PCSK2: variants seen among roughly 807,000 people sequenced by gnomAD.
PCSK2 encodes the protein proprotein convertase subtilisin/kexin type 2.
A neutral mutation model predicts 69.7 loss-of-function variants in PCSK2; 14 were observed. The observed-to-expected ratio is 0.20, with a 90% CI of 0.13 to 0.31. The LOEUF (loss-of-function observed/expected upper bound fraction) is 0.31, where lower values mean the gene tolerates loss of function less well. Among genes scored for constraint, PCSK2 ranks in the 10% least tolerant of loss-of-function variants. The probability of loss-of-function intolerance (pLI) is 1.00; values close to 1 mark genes in which losing one functional copy is unlikely to be tolerated. For missense variants in PCSK2, 544 were observed against 842.5 expected, an observed-to-expected ratio of 0.65 and a Z score of 4.39; for synonymous variants, 307 against 320.7, an observed-to-expected ratio of 0.96 and a Z score of 0.46.
At position 17,306,147 on chromosome 20, in the gene PCSK2, C is replaced by T. The variant is rs182240333; in HGVS notation, c.282+45803C>T. ...ACAATACAATCTTATCTCCCTTTAG[C>T]CAAAGAGTATTGACAATGCAATTTG... On this transcript the variant is annotated intron_variant, in intron 2 of 11. Transcript: ENST00000262545. Among the ~76,000 whole-genome samples, 6 of 152,218 alleles carry T rather than the reference C, an allele frequency of 3.9e-5. No homozygotes were observed. The East Asian group carries it at 1.2e-3, about 29-fold the overall frequency.
intron 2 of PCSK2, among the ~76,000 whole-genome samples, chr20:17,295,802 T>C (rs1988872988): frequency 6.6e-6 from 1 of 152,096 alleles, no homozygotes; most frequent in African/African-American, 2.4e-5. Context: ...GTGATCCTCC[T>C]GCCCCAGTCT....
intron 10 of PCSK2, chr20:17,464,924 GCTTAAGCTTAAC>G: frequency 3.7e-6 from 1 of 272,536 alleles, no homozygotes; most frequent in South Asian, 4.6e-5. Flanking sequence ...CCAGGCCATA[GCTTAAGCTTAAC>G]TTTAGAAGAT....
At chr20:17,261,366 G>A (rs753193806) in intron 2 of PCSK2, among the ~76,000 whole-genome samples, 6 of 152,194 alleles carry the variant, frequency 3.9e-5, no homozygotes, top group Non-Finnish European at 8.8e-5. Flanking sequence ...GGCTTTTCAT[G>A]TGAACATTTC....
rs549325416 is a variant in PCSK2 at position 17,453,480 on chromosome 20, A to G, written c.886-262A>G. ...AAGCAGTTTATTTGTAAATTTTAAG[A>G]CAGTTCTTCCAATTTTCTTACCTCA... is the stretch of plus-strand genomic sequence containing the variant. On this transcript the variant is annotated intron_variant, in intron 8 of 11. Coordinates refer to ENST00000262545, the MANE Select transcript of PCSK2 (RefSeq NM_002594.5). The surrounding 1 kb of genome is among the most constrained non-coding windows in gnomAD (Gnocchi z 4.0). Among the ~76,000 whole-genome samples the G allele has an allele frequency of 6.6e-6, 1 of 152,298 alleles. No individual in the cohort carries two copies. Among genetic ancestry groups the G allele is most frequent in the South Asian group, 2.1e-4 (1 of 4,826 alleles).
intron 4 of PCSK2, among the ~76,000 whole-genome samples, chr20:17,361,593 C>G (rs890613): frequency 1.5e-3 from 222 of 152,268 alleles, no homozygotes; most frequent in African/African-American, 5.1e-3. Context: ...CTTTCCCATC[C>G]GAAGATCCTC....
At position 17,301,795 on chromosome 20, in the gene PCSK2, G is replaced by T. The variant is rs142839670; in HGVS notation, c.282+41451G>T. Among the ~76,000 whole-genome samples, 771 of 152,208 alleles carry T rather than the reference G, an allele frequency of 5.1e-3. 6 individuals carry two copies. Among genetic ancestry groups the T allele is most frequent in the East Asian group, 0.023 (118 of 5,172 alleles). On this transcript the variant is annotated intron_variant, in intron 2 of 11. Coordinates refer to ENST00000262545, the MANE Select transcript of PCSK2 (RefSeq NM_002594.5). ...AAAATTCAAAAATTAACCAGGCGTG[G>T]TGGTGCACACCTGTAATCCCAGCTT... is the stretch of plus-strand genomic sequence containing the variant.
intron 2 of PCSK2, among the ~76,000 whole-genome samples, chr20:17,348,089 AAG>A (rs1491582248): frequency 6.7e-6 from 1 of 149,998 alleles, no homozygotes. Flanking sequence ...GAAAGAAAGA[AAG>A]AAAGAAAGAA....
At chr20:17,277,426 C>T (rs1400923161) in intron 2 of PCSK2, among the ~76,000 whole-genome samples, 2 of 152,184 alleles carry the variant, frequency 1.3e-5, no homozygotes, top group Admixed American at 6.5e-5. Context: ...ATGTCTACAA[C>T]TATCTGATCT....
intron 2 of PCSK2, among the ~76,000 whole-genome samples, chr20:17,340,600 T>A (rs1990482220): frequency 6.6e-6 from 1 of 152,212 alleles, no homozygotes; most frequent in African/African-American, 2.4e-5. Flanking sequence ...TCTTGTGTTT[T>A]TTTCCTCTCC....
chr20:17,369,290 CA>C lies in PCSK2; in HGVS notation c.543+15del. On this transcript the variant is annotated intron_variant, in intron 5 of 11. Transcript: ENST00000262545. ...GGCCTCCAACTATGTAAGTACAAGC[CA>C]ACTTTGGTGGGGAAACAGATGCATC... 1 of 1,611,562 alleles carries C rather than the reference CA, an allele frequency of 6.2e-7. No homozygotes were observed. The highest frequency in any genetic ancestry group is 8.5e-7 in the Non-Finnish European group (1 of 1,177,718).
intron 6 of PCSK2, among the ~76,000 whole-genome samples, chr20:17,428,710 C>A (rs1341715433): frequency 6.6e-6 from 1 of 152,064 alleles, no homozygotes; most frequent in Non-Finnish European, 1.5e-5. Context: ...TTAAAATGGA[C>A]TTTTCTAGCC....
intron 1 of PCSK2, among the ~76,000 whole-genome samples, chr20:17,247,804 G>A (rs1241760391): frequency 6.6e-6 from 1 of 152,222 alleles, no homozygotes; most frequent in Non-Finnish European, 1.5e-5. Flanking sequence ...GGCTCCATGA[G>A]AATTTAACAC....
intron 8 of PCSK2, among the ~76,000 whole-genome samples, chr20:17,449,271 C>T (rs1185799309): frequency 6.6e-6 from 1 of 152,158 alleles, no homozygotes; most frequent in Non-Finnish European, 1.5e-5. Flanking sequence ...CAGACAGCCC[C>T]ACCCACAGTG....
chr20:17,279,168 C>T (rs1464253043), intron 2 of PCSK2, among the ~76,000 whole-genome samples: 3 of 152,096 alleles, frequency 2.0e-5, no homozygotes, highest in South Asian at 2.1e-4. Context: ...TTCCGCATTC[C>T]GATGCAGAAT....
At chr20:17,369,032 G>C (rs1237438865) in intron 4 of PCSK2, among the ~76,000 whole-genome samples, 1 of 152,198 alleles carries the variant, frequency 6.6e-6, no homozygotes, top group East Asian at 1.9e-4. Context: ...TTGGGCAGCT[G>C]TCTCTCCGCT....
intron 2 of PCSK2, among the ~76,000 whole-genome samples, chr20:17,318,519 G>A (rs1246326040): frequency 6.6e-6 from 1 of 152,206 alleles, no homozygotes; most frequent in African/African-American, 2.4e-5. Context: ...TTGTATATGA[G>A]TTGGGTAATG....
rs772219384 is a variant in PCSK2, at chr20:17,483,738, T to C, written c.*1668T>C. 4.6e-5 allele frequency: 7 copies of C among 152,642 alleles called. No individual in the cohort carries two copies. The highest frequency in any genetic ancestry group is 7.3e-5 in the Non-Finnish European group (5 of 68,042). The allele number at this position is 152,642 out of a possible 1,614,324, so 9.5% of individuals were successfully genotyped here. A position where few individuals can be genotyped will look rare whatever the true frequency, so the allele number is the denominator to read the frequency against. ...TATCATGCTTTAAAGTGTAATAATA[T>C]GATTTTTTAAAAGAAATTTATTACT... is the stretch of plus-strand genomic sequence containing the variant. On this transcript the variant is annotated 3_prime_UTR_variant, in exon 12 of 12. Transcript: ENST00000262545.
Position 17,393,791 on chromosome 20 carries a change from A to C in PCSK2, c.544-15472A>C, listed in dbSNP as rs114990586. On this transcript the variant is annotated intron_variant, in intron 5 of 11. Transcript: ENST00000262545. ...AACAAAATGCAATTAAAATGTGTAAATAATGCTGCTTACAACACCTCCATA... is the reference window on the plus strand; with the variant it reads ...AACAAAATGCAATTAAAATGTGTAACTAATGCTGCTTACAACACCTCCATA... 5.1e-3 allele frequency among the ~76,000 whole-genome samples: 784 copies of C among 152,320 alleles called. 3 individuals carry two copies. Among genetic ancestry groups the C allele is most frequent in the Middle Eastern group, 0.02 (6 of 294 alleles).
chr20:17,332,801 G>A (rs78974796), intron 2 of PCSK2, among the ~76,000 whole-genome samples: 107 of 152,200 alleles, frequency 7.0e-4, no homozygotes, highest in African/African-American at 2.3e-3. Context: ...GGTTTTCACC[G>A]TAGCATTTGT....
Sources: gnomAD v4.1 joint callset for allele counts (sites outside exome capture counted in the v4.1 genomes callset) on GRCh38, gnomAD v4.1.1 for gene constraint, Gnocchi (gnomAD v3.1) non-coding constraint, MANE v1.5 for transcripts, NCBI Gene and HGNC (gene_info 2026-07-23, HGNC 2026-07-21) for gene names.